The following CCDC85A variants were observed in gnomAD, a reference collection of about 807,000 sequenced individuals.
CCDC85A encodes coiled-coil domain-containing protein 85A.
Under a neutral mutation model 50.2 loss-of-function variants are expected in CCDC85A, and 38 were observed. That is an observed-to-expected ratio of 0.76 (90% CI 0.58 to 0.99). CCDC85A has a LOEUF of 0.99. Ranked by LOEUF, CCDC85A falls within the 50% of genes least tolerant of loss-of-function variation. The probability of loss-of-function intolerance (pLI) is 0.00; values close to 1 mark genes in which losing one functional copy is unlikely to be tolerated. For synonymous variants in CCDC85A, 366 were observed against 301.4 expected (o/e 1.21, Z -2.22); for missense variants, 820 against 742.0 (o/e 1.11, Z -1.22).
chr2:56,367,314 T>C (rs1675843941), intron 3 of CCDC85A, among the ~76,000 whole-genome samples: 1 of 152,110 alleles, frequency 6.6e-6, no homozygotes, highest in Non-Finnish European at 1.5e-5. Flanking sequence ...AATTTCTTAT[T>C]TGGGGGTGGA....
chr2:56,349,840 CT>C, intron 3 of CCDC85A, among the ~76,000 whole-genome samples: 1 of 151,870 alleles, frequency 6.6e-6, no homozygotes, highest in Admixed American at 6.6e-5. Context: ...ACATTCAAAA[CT>C]TTTTTTATTT....
At chr2:56,322,039 G>T (rs1673225573) in intron 2 of CCDC85A, among the ~76,000 whole-genome samples, 1 of 152,078 alleles carries the variant, frequency 6.6e-6, no homozygotes, top group African/African-American at 2.4e-5. Flanking sequence ...ACAAGAAATG[G>T]GGAAAGGATT....
intron 2 of CCDC85A, among the ~76,000 whole-genome samples, chr2:56,220,023 G>T (rs1045138050): frequency 6.6e-6 from 1 of 151,998 alleles, no homozygotes; most frequent in Non-Finnish European, 1.5e-5. Flanking sequence ...GCTTCACTAA[G>T]GTGACAACTG....
intron 2 of CCDC85A, among the ~76,000 whole-genome samples, chr2:56,208,743 G>A (rs1229823332): frequency 6.6e-6 from 1 of 152,044 alleles, no homozygotes; most frequent in African/African-American, 2.4e-5. Flanking sequence ...ATGATAAAGG[G>A]CAGGCACAGC....
chr2:56,222,939 A>G (rs2103912140), intron 2 of CCDC85A, among the ~76,000 whole-genome samples: 1 of 152,294 alleles, frequency 6.6e-6, no homozygotes, highest in Non-Finnish European at 1.5e-5. Flanking sequence ...TGCTTCAGAT[A>G]CATTCCTGAT....
chr2:56,312,257 G>T (rs1310211413), intron 2 of CCDC85A, among the ~76,000 whole-genome samples: 3 of 152,038 alleles, frequency 2.0e-5, no homozygotes, highest in African/African-American at 7.2e-5. Context: ...TAGAGTGCCT[G>T]TTTGCACTCT....
chr2:56,290,865 G>A (rs1188358774), intron 2 of CCDC85A, among the ~76,000 whole-genome samples: 1 of 152,100 alleles, frequency 6.6e-6, no homozygotes, highest in Non-Finnish European at 1.5e-5. Context: ...CCACGAGCTT[G>A]GAAAATCTTG....
intron 2 of CCDC85A, among the ~76,000 whole-genome samples, chr2:56,254,049 T>C (rs1208117192): frequency 6.6e-6 from 1 of 152,182 alleles, no homozygotes; most frequent in East Asian, 1.9e-4. Flanking sequence ...GGAAGATACA[T>C]GTGCATGCAC....
In CCDC85A at chr2:56,260,710, A is replaced by G. The variant is rs534708373; in HGVS notation, c.1240+67270A>G. 2.6e-4 allele frequency among the ~76,000 whole-genome samples: 39 copies of G among 152,300 alleles called. 1 individual carries two copies. Among genetic ancestry groups the G allele is most frequent in the African/African-American group, 8.7e-4 (36 of 41,554 alleles). On this transcript the variant is annotated intron_variant, in intron 2 of 5. Transcript: ENST00000407595. ...TGGCATAAACCTCACTGGCTGTGGA[A>G]TGTATATGTGTATGGTACATACATG... is the stretch of plus-strand genomic sequence containing the variant.
intron 2 of CCDC85A, among the ~76,000 whole-genome samples, chr2:56,330,622 C>A (rs140516976): frequency 1.3e-5 from 2 of 152,238 alleles, no homozygotes; most frequent in Non-Finnish European, 2.9e-5. Flanking sequence ...CCATATGGAG[C>A]CCCACATATA....
intron 2 of CCDC85A, among the ~76,000 whole-genome samples, chr2:56,316,021 A>G (rs2104242477): frequency 6.6e-6 from 1 of 152,242 alleles, no homozygotes; most frequent in South Asian, 2.1e-4. Flanking sequence ...GGCCAGCTAC[A>G]CTAGGGGGTC....
At chr2:56,353,748 G>C (rs1156263418) in intron 3 of CCDC85A, among the ~76,000 whole-genome samples, 1 of 152,224 alleles carries the variant, frequency 6.6e-6, no homozygotes, top group East Asian at 1.9e-4. Flanking sequence ...TCACTAAGCT[G>C]TCCTTTAAAT....
chr2:56,184,499 C>T lies in CCDC85A; in HGVS notation c.-126C>T. 7 of 1,099,064 alleles carry T rather than the reference C, an allele frequency of 6.4e-6. No individual in the cohort carries two copies. Among genetic ancestry groups the T allele is most frequent in the Non-Finnish European group, 8.1e-6 (7 of 863,516 alleles). The allele number at this position is 1,099,064 out of a possible 1,614,324, so 68.1% of individuals were successfully genotyped here. ...CCCCCGCCGCCCCAACCCAGCGGCC[C>T]CTGGGCGGTGCCGCTGACTCGCCGG... On this transcript the variant is annotated 5_prime_UTR_variant, in exon 1 of 6. Transcript: ENST00000407595.
At chr2:56,383,742 A>G (rs1676697332) in intron 5 of CCDC85A, 2 of 985,032 alleles carry the variant, frequency 2.0e-6, no homozygotes, top group Non-Finnish European at 2.4e-6. Flanking sequence ...TAAATAGCTC[A>G]ATAACAAAAG....
intron 2 of CCDC85A, among the ~76,000 whole-genome samples, chr2:56,258,635 T>C (rs1048528151): frequency 2.0e-4 from 30 of 152,226 alleles, no homozygotes; most frequent in Admixed American, 1.6e-3. Flanking sequence ...GAGACCGGAA[T>C]ATATCTGTGG....
rs1052118596 is a variant in CCDC85A, at chr2:56,376,084, G to A, written c.1572+149G>A. ...TGTAACTTTTTAAATCTTAATTTTTGAAGTATGATTTTTATTGTTCTAAAC... is the reference window on the plus strand; with the variant it reads ...TGTAACTTTTTAAATCTTAATTTTTAAAGTATGATTTTTATTGTTCTAAAC... On this transcript the variant is annotated intron_variant, in intron 5 of 5. Coordinates refer to ENST00000407595, the MANE Select transcript of CCDC85A (RefSeq NM_001080433.2). 10 of 823,450 alleles carry A rather than the reference G, an allele frequency of 1.2e-5. No individual in the cohort carries two copies. The African/African-American group carries it at 1.6e-4, about 13-fold the overall frequency. The allele number at this position is 823,450 out of a possible 1,614,324, so 51.0% of individuals were successfully genotyped here.
At chr2:56,261,648 C>G (rs189319872) in intron 2 of CCDC85A, among the ~76,000 whole-genome samples, 1 of 152,288 alleles carries the variant, frequency 6.6e-6, no homozygotes. Context: ...GACTTACCAT[C>G]TGATGAAATG....
intron 5 of CCDC85A, 76 bp downstream of exon 5, chr2:56,376,011 C>T (rs1354957333): frequency 4.7e-6 from 7 of 1,497,010 alleles, no homozygotes. Flanking sequence ...TAGTAGTCCT[C>T]ACAGTCTTGC....
At chr2:56,250,240 T>G (rs1669694556) in intron 2 of CCDC85A, among the ~76,000 whole-genome samples, 1 of 152,124 alleles carries the variant, frequency 6.6e-6, no homozygotes, top group South Asian at 2.1e-4. Flanking sequence ...TATAGTAAGA[T>G]TTTAAGTTGG....
Sources: gnomAD v4.1 joint callset for allele counts (sites outside exome capture counted in the v4.1 genomes callset) on GRCh38, gnomAD v4.1.1 for gene constraint, MANE v1.5 for transcripts, NCBI Gene and HGNC (gene_info 2026-07-23, HGNC 2026-07-21) for gene names.